The following SLC8A1 variants were observed in gnomAD, a reference collection of about 807,000 sequenced individuals.
SLC8A1 encodes the protein sodium/calcium exchanger 1.
SLC8A1 carries 18 observed loss-of-function variants against 68.3 expected under a neutral mutation model. The observed-to-expected ratio is 0.26, with a 90% CI of 0.18 to 0.39. The LOEUF is 0.39. SLC8A1 is among the 10% of genes least tolerant of loss of function. The probability of loss-of-function intolerance (pLI) is 1.00; values close to 1 mark genes in which losing one functional copy is unlikely to be tolerated. For missense variants in SLC8A1, 985 were observed against 1,156.7 expected, an observed-to-expected ratio of 0.85 and a Z score of 2.15; for synonymous variants, 475 against 415.5, an observed-to-expected ratio of 1.14 and a Z score of -1.74.
chr2:40,270,669 C>G (rs1029202048), intron 2 of SLC8A1, among the ~76,000 whole-genome samples: 2 of 152,262 alleles, frequency 1.3e-5, no homozygotes, highest in African/African-American at 4.8e-5. Context: ...ATCTCCTCAT[C>G]TCAAGGACTT....
chr2:40,288,465 G>A (rs1223471176), intron 2 of SLC8A1, among the ~76,000 whole-genome samples: 1 of 152,034 alleles, frequency 6.6e-6, no homozygotes, highest in Admixed American at 6.6e-5. Context: ...GTCATGGCTT[G>A]GCTAATATTC....
At chr2:40,393,207 T>C (rs1033732457) in intron 2 of SLC8A1, among the ~76,000 whole-genome samples, 1 of 149,126 alleles carries the variant, frequency 6.7e-6, no homozygotes, top group Admixed American at 6.8e-5. Flanking sequence ...TCTATTTTTT[T>C]CTGAAAATTC....
intron 2 of SLC8A1, among the ~76,000 whole-genome samples, chr2:40,261,399 A>C (rs896747201): frequency 6.6e-6 from 1 of 152,192 alleles, no homozygotes; most frequent in Non-Finnish European, 1.5e-5. Context: ...CAGGGGCACC[A>C]ATCTAACAGA....
intron 2 of SLC8A1, among the ~76,000 whole-genome samples, chr2:40,219,980 T>C (rs867404137): frequency 6.6e-6 from 1 of 151,904 alleles, no homozygotes; most frequent in South Asian, 2.1e-4. Flanking sequence ...AAATAAGATT[T>C]TTTTCTTATC....
In SLC8A1 at chr2:40,334,635, G is replaced by T. The variant is rs549780639; in HGVS notation, c.1808+93838C>A. Among the ~76,000 whole-genome samples, 21 of 152,218 alleles carry T rather than the reference G, an allele frequency of 1.4e-4. No homozygotes were observed. The South Asian group carries it at 4.2e-3, about 30-fold the overall frequency. ...AGGGCAGGAATCATGCCCTTAAAAT[G>T]TCCTGAAAACATTTTTTTCAGCCAT... On this transcript the variant is annotated intron_variant, in intron 2 of 7. Transcript: ENST00000406785.
intron 2 of SLC8A1, among the ~76,000 whole-genome samples, chr2:40,376,334 G>A (rs1393563126): frequency 6.6e-6 from 1 of 152,056 alleles, no homozygotes; most frequent in South Asian, 2.1e-4. Context: ...ATGGTCACCT[G>A]GGATTAGAGA....
intron 2 of SLC8A1, among the ~76,000 whole-genome samples, chr2:40,257,549 C>A (rs1234674304): frequency 2.0e-5 from 3 of 152,018 alleles, no homozygotes; most frequent in South Asian, 4.1e-4. Context: ...TATTTCCAGC[C>A]ACTATATCCA....
At chr2:40,155,876 G>C (rs561304262) in intron 6 of SLC8A1, among the ~76,000 whole-genome samples, 4 of 152,130 alleles carry the variant, frequency 2.6e-5, no homozygotes, top group Non-Finnish European at 5.9e-5. Flanking sequence ...AGTGTGGACA[G>C]GTCAGCAGCA....
intron 2 of SLC8A1, among the ~76,000 whole-genome samples, chr2:40,325,605 C>T (rs1339905107): frequency 6.6e-6 from 1 of 151,506 alleles, no homozygotes; most frequent in Non-Finnish European, 1.5e-5. Flanking sequence ...AGTCTTAAAA[C>T]CTGAATCAAT....
rs1328247924 is a variant in SLC8A1, at chr2:40,124,592, A to C, written c.2438-8963T>G. ...TTCCTACAGATTAGTCATAGGATAC[A>C]AAAAAGCATATGTGCCTATCAAAAG... On this transcript the variant is annotated intron_variant, in intron 7 of 7. Transcript: ENST00000406785. 2.6e-5 allele frequency among the ~76,000 whole-genome samples: 4 copies of C among 152,226 alleles called. No individual in the cohort carries two copies. The East Asian group carries it at 7.7e-4, about 29-fold the overall frequency.
At chr2:40,269,623 T>C (rs940067267) in intron 2 of SLC8A1, among the ~76,000 whole-genome samples, 1 of 152,140 alleles carries the variant, frequency 6.6e-6, no homozygotes, top group Non-Finnish European at 1.5e-5. Context: ...ATATTTGGGT[T>C]AATCTGGATT....
At chr2:40,323,150 T>C (rs1240964952) in intron 2 of SLC8A1, among the ~76,000 whole-genome samples, 1 of 152,182 alleles carries the variant, frequency 6.6e-6, no homozygotes, top group Non-Finnish European at 1.5e-5. Context: ...ATGCTTTTGT[T>C]CTCGAGCTTC....
intron 6 of SLC8A1, among the ~76,000 whole-genome samples, chr2:40,141,984 C>T (rs1205240203): frequency 6.6e-6 from 1 of 152,142 alleles, no homozygotes; most frequent in Non-Finnish European, 1.5e-5. Context: ...CTCAGATTTT[C>T]AGTTCCCAGA....
chr2:40,344,628 T>C (rs568488374), intron 2 of SLC8A1, among the ~76,000 whole-genome samples: 4 of 152,294 alleles, frequency 2.6e-5, no homozygotes, highest in South Asian at 2.1e-4. Flanking sequence ...ACCAGTCCTA[T>C]GAAGTAATAT....
At chr2:40,206,019 T>C (rs2055371615) in intron 2 of SLC8A1, among the ~76,000 whole-genome samples, 2 of 151,962 alleles carry the variant, frequency 1.3e-5, no homozygotes, top group African/African-American at 2.4e-5. Context: ...AAAATATATT[T>C]AATGAAAAGA....
At chr2:40,354,108 T>C (rs2149455010) in intron 2 of SLC8A1, among the ~76,000 whole-genome samples, 1 of 152,322 alleles carries the variant, frequency 6.6e-6, no homozygotes, top group African/African-American at 2.4e-5. Context: ...TTAGGTTAAA[T>C]ATTTTCAGAT....
intron 2 of SLC8A1, among the ~76,000 whole-genome samples, chr2:40,349,307 T>C (rs1670323509): frequency 6.6e-6 from 1 of 152,128 alleles, no homozygotes; most frequent in African/African-American, 2.4e-5. Context: ...GTCGACACTT[T>C]GAATCATGGT....
At chr2:40,193,063 C>T (rs1272499377) in intron 2 of SLC8A1, among the ~76,000 whole-genome samples, 1 of 152,142 alleles carries the variant, frequency 6.6e-6, no homozygotes, top group African/African-American at 2.4e-5. Flanking sequence ...TTTTGGTTGA[C>T]TCACTGTCTG....
At chr2:40,492,368 T>C (rs1287347731) in intron 1 of SLC8A1, among the ~76,000 whole-genome samples, 1 of 152,110 alleles carries the variant, frequency 6.6e-6, no homozygotes, top group Non-Finnish European at 1.5e-5. Context: ...GACTTAAATG[T>C]TAGACCTAAA....
Sources: allele counts gnomAD v4.1 joint callset (sites outside exome capture counted in the v4.1 genomes callset), GRCh38; gene constraint gnomAD v4.1.1; transcripts MANE v1.5; gene names NCBI Gene and HGNC (gene_info 2026-07-23, HGNC 2026-07-21).